Variants in IL6ST observed in about 807,000 individuals in gnomAD.
IL6ST encodes interleukin 6 cytokine family signal transducer, also known as interleukin-6 receptor subunit beta.
In IL6ST, 24 loss-of-function variants were observed where a neutral mutation model predicts 91.3. That is an observed-to-expected ratio of 0.26 (90% confidence interval 0.19 to 0.37). The LOEUF (loss-of-function observed/expected upper bound fraction) is 0.37. Among genes scored for constraint, IL6ST ranks in the 10% least tolerant of loss-of-function variants. The pLI is 1.00. For missense variants in IL6ST, 914 were observed against 1,078.5 expected (o/e 0.85, Z 2.14); for synonymous variants, 351 against 373.6 (o/e 0.94, Z 0.70).
At chr5:55,976,397 T>C in intron 2 of IL6ST, 104 bp from the exon 3 acceptor site, 2 of 523,660 alleles carry the variant, frequency 3.8e-6, no homozygotes, top group Non-Finnish European at 6.4e-6. Context: ...TTCTAAAAGG[T>C]GGTAAAATTC....
At chr5:55,989,564 T>C (rs181717070) in intron 1 of IL6ST, among the ~76,000 whole-genome samples, 39 of 152,250 alleles carry the variant, frequency 2.6e-4, no homozygotes, top group African/African-American at 7.9e-4. Context: ...AATGAAAAGG[T>C]TTACAGAGCA....
chr5:55,954,361 T>C (rs1751829891), intron 11 of IL6ST, among the ~76,000 whole-genome samples: 2 of 152,208 alleles, frequency 1.3e-5, no homozygotes, highest in Admixed American at 6.5e-5. Flanking sequence ...TGTCCTTTGT[T>C]ACTACTTCCA....
chr5:55,958,776 C>A (rs1294085324), intron 8 of IL6ST, among the ~76,000 whole-genome samples: 1 of 149,320 alleles, frequency 6.7e-6, no homozygotes, highest in African/African-American at 2.5e-5. Context: ...GAGGTAGAGG[C>A]TGCAGCGAGC....
chr5:55,978,955 A>C (rs1753480882), intron 2 of IL6ST, among the ~76,000 whole-genome samples: 1 of 152,264 alleles, frequency 6.6e-6, no homozygotes, highest in South Asian at 2.1e-4. Flanking sequence ...AGTTTTATTC[A>C]AAATAGATGA....
chr5:55,984,541 C>A (rs897483235), intron 1 of IL6ST, among the ~76,000 whole-genome samples: 2 of 152,132 alleles, frequency 1.3e-5, no homozygotes, highest in African/African-American at 4.8e-5. Flanking sequence ...CGATGGCTAC[C>A]ACCAGAAGCT....
At chr5:55,965,681 T>C (rs891462793) in intron 5 of IL6ST, among the ~76,000 whole-genome samples, 2 of 151,738 alleles carry the variant, frequency 1.3e-5, no homozygotes, top group African/African-American at 2.4e-5. Flanking sequence ...TATCAAAGGC[T>C]AAGGAAGTTG....
intron 6 of IL6ST, among the ~76,000 whole-genome samples, chr5:55,963,888 T>A (rs1328360160): frequency 2.0e-5 from 3 of 152,164 alleles, no homozygotes; most frequent in Non-Finnish European, 4.4e-5. Flanking sequence ...ATTATGGATA[T>A]TTTTCTTTTT....
chr5:55,943,012 A>G (rs1388226204), intron 15 of IL6ST, among the ~76,000 whole-genome samples: 2 of 152,136 alleles, frequency 1.3e-5, no homozygotes, highest in Non-Finnish European at 2.9e-5. Context: ...TTTTTTTTAA[A>G]CTCTCAAAAT....
chr5:55,945,406 C>T (rs1022161364), intron 15 of IL6ST, among the ~76,000 whole-genome samples: 10 of 152,046 alleles, frequency 6.6e-5, no homozygotes, highest in Non-Finnish European at 1.2e-4. Flanking sequence ...GGAAAAGACA[C>T]TCTTTTCAAA....
Position 55,938,699 on chromosome 5 carries a change from A to G in IL6ST, c.*2383T>C. The G allele has an allele frequency of 5.0e-6, 1 of 199,390 alleles. No homozygotes were observed. The highest frequency in any genetic ancestry group is 7.8e-5 in the East Asian group (1 of 12,888). 12.4% of individuals were successfully genotyped at this position (199,390 alleles called of 1,614,324 possible). The stretch of plus-strand genomic sequence containing the variant: ...CCTACCTAAAGTACAATTTACATGC[A>G]TCAACACATAGATTATTCTAAGACA... On this transcript the variant is annotated 3_prime_UTR_variant, in exon 17 of 17. Coordinates refer to ENST00000381298, the MANE Select transcript of IL6ST (RefSeq NM_002184.4).
chr5:55,947,940 A>ATTACT (rs763540173), intron 14 of IL6ST, among the ~76,000 whole-genome samples: 5 of 152,220 alleles, frequency 3.3e-5, no homozygotes, highest in Non-Finnish European at 5.9e-5. Flanking sequence ...AATCTTAGTA[A>ATTACT]AAGTTTATCT....
At chr5:55,955,993 C>A in intron 10 of IL6ST, 32 bp downstream of exon 10, 1 of 1,497,852 alleles carries the variant, frequency 6.7e-7, no homozygotes, top group South Asian at 1.1e-5. Context: ...TTTTTCCACC[C>A]AAGAGTCAGG....
At position 55,935,670 on chromosome 5, in the gene IL6ST, T is replaced by C. The variant is rs975743200; in HGVS notation, c.*5412A>G. 1 of 219,316 alleles carries C rather than the reference T, an allele frequency of 4.6e-6. No homozygotes were observed. Among genetic ancestry groups the C allele is most frequent in the Non-Finnish European group, 9.2e-6 (1 of 109,286 alleles). 13.6% of individuals were successfully genotyped at this position (219,316 alleles called of 1,614,324 possible). ...CTTGTAGTCTTTCACTCCATTAACT[T>C]GCCCAAGCACTGGACTTAAGTATGG... On this transcript the variant is annotated 3_prime_UTR_variant, in exon 17 of 17. Coordinates refer to ENST00000381298, the MANE Select transcript of IL6ST (RefSeq NM_002184.4).
At chr5:55,983,315 AACATTATTGGCTC>A (rs1175514630) in intron 1 of IL6ST, among the ~76,000 whole-genome samples, 1 of 152,174 alleles carries the variant, frequency 6.6e-6, no homozygotes, top group African/African-American at 2.4e-5. Context: ...TACGCTTGCA[AACATTATTGGCTC>A]ACCCACACCT....
At chr5:55,993,877 T>A (rs1754479169) in intron 1 of IL6ST, among the ~76,000 whole-genome samples, 1 of 152,174 alleles carries the variant, frequency 6.6e-6, no homozygotes, top group African/African-American at 2.4e-5. Flanking sequence ...TGTTCCAACT[T>A]GAAGCTGGCA....
At chr5:55,952,183 C>A (rs997586120) in intron 12 of IL6ST, 67 bp downstream of exon 12, 3 of 1,477,624 alleles carry the variant, frequency 2.0e-6, no homozygotes, top group Non-Finnish European at 2.8e-6. Flanking sequence ...TATTTAAAAG[C>A]GATAAAATGT....
chr5:55,935,771 C>CA lies in IL6ST; in HGVS notation c.*5310_*5311insT, dbSNP rs1484891091. 3 of 216,722 alleles carry CA rather than the reference C, an allele frequency of 1.4e-5. No individual in the cohort carries two copies. Among genetic ancestry groups the CA allele is most frequent in the Non-Finnish European group, 2.8e-5 (3 of 107,760 alleles). 13.4% of individuals were successfully genotyped at this position (216,722 alleles called of 1,614,324 possible). On this transcript the variant is annotated 3_prime_UTR_variant, in exon 17 of 17. Coordinates refer to ENST00000381298, the MANE Select transcript of IL6ST (RefSeq NM_002184.4). ...TTTGTATTAATTTAAAAAGAAAAAG[C>CA]TTAAATGGAAAGTTAAGCAATCCTG... is the stretch of plus-strand genomic sequence containing the variant.
chr5:55,973,752 G>C (rs1024792222), intron 3 of IL6ST, among the ~76,000 whole-genome samples: 2 of 152,200 alleles, frequency 1.3e-5, no homozygotes, highest in Non-Finnish European at 2.9e-5. Context: ...AAGATTTGGA[G>C]TATTTGTGAG....
At chr5:55,942,224 C>T (rs984606913) in intron 16 of IL6ST, among the ~76,000 whole-genome samples, 6 of 151,990 alleles carry the variant, frequency 3.9e-5, no homozygotes, top group African/African-American at 1.5e-4. Context: ...AAATGAGTTC[C>T]CCTTTGGGGC....
Sources: gnomAD v4.1 joint callset for allele counts (sites outside exome capture counted in the v4.1 genomes callset) on GRCh38, gnomAD v4.1.1 for gene constraint, MANE v1.5 for transcripts, NCBI Gene and HGNC (gene_info 2026-07-23, HGNC 2026-07-21) for gene names.